CCDC91: variants seen among roughly 807,000 people sequenced by gnomAD.
CCDC91 encodes the protein coiled-coil domain-containing protein 91.
A neutral mutation model predicts 63.2 loss-of-function variants in CCDC91; 48 were observed. The observed-to-expected ratio is 0.76, with a 90% CI of 0.60 to 0.97. The LOEUF is 0.97. Among genes scored for constraint, CCDC91 ranks in the 50% least tolerant of loss-of-function variants. CCDC91 has a pLI of 0.00. For missense variants in CCDC91, 500 were observed against 494.6 expected (o/e 1.01, Z -0.10); for synonymous variants, 167 against 165.8 (o/e 1.01, Z -0.06).
chr12:28,489,442 C>A (rs1169583498), intron 12 of CCDC91, among the ~76,000 whole-genome samples: 1 of 151,804 alleles, frequency 6.6e-6, no homozygotes, highest in Non-Finnish European at 1.5e-5. Context: ...GAGTTCCAAC[C>A]CATCCCACAA....
At chr12:28,432,937 C>T (rs891397357) in intron 8 of CCDC91, among the ~76,000 whole-genome samples, 4 of 152,036 alleles carry the variant, frequency 2.6e-5, no homozygotes, top group Admixed American at 1.3e-4. Flanking sequence ...AATAGTATCT[C>T]GTTTTAATTC....
chr12:28,320,795 G>T (rs1403374440), intron 6 of CCDC91, among the ~76,000 whole-genome samples: 1 of 151,846 alleles, frequency 6.6e-6, no homozygotes, highest in Non-Finnish European at 1.5e-5. Flanking sequence ...GAAAATTTTG[G>T]TAAGGGTTTA....
chr12:28,499,707 G>T (rs1297788412), intron 12 of CCDC91, among the ~76,000 whole-genome samples: 1 of 152,106 alleles, frequency 6.6e-6, no homozygotes, highest in Non-Finnish European at 1.5e-5. Context: ...GTATTCCATG[G>T]TGTATATGTG....
chr12:28,434,295 C>T (rs938474269), intron 8 of CCDC91, among the ~76,000 whole-genome samples: 5 of 151,196 alleles, frequency 3.3e-5, no homozygotes, highest in Admixed American at 6.6e-5. Context: ...TTTTATAGTT[C>T]GATAATTTTT....
At chr12:28,399,529 A>C (rs902642579) in intron 8 of CCDC91, among the ~76,000 whole-genome samples, 5 of 152,210 alleles carry the variant, frequency 3.3e-5, no homozygotes, top group Admixed American at 1.3e-4. Flanking sequence ...ACAGTCCTGC[A>C]AAGTCATAAC....
intron 1 of CCDC91, among the ~76,000 whole-genome samples, chr12:28,223,111 C>A (rs1462485074): frequency 6.6e-6 from 1 of 152,082 alleles, no homozygotes; most frequent in Non-Finnish European, 1.5e-5. Context: ...AAAACCTAGT[C>A]AATTTTAGTG....
chr12:28,509,452 A>G (rs1939123051), intron 12 of CCDC91, among the ~76,000 whole-genome samples: 1 of 151,896 alleles, frequency 6.6e-6, no homozygotes, highest in Non-Finnish European at 1.5e-5. Flanking sequence ...AAGACTGAGT[A>G]TTATTTATTA....
Position 28,402,247 on chromosome 12 carries a change from A to C in CCDC91, c.762+10836A>C, listed in dbSNP as rs149386206. Among the ~76,000 whole-genome samples, 307 of 152,286 alleles carry C rather than the reference A, an allele frequency of 2.0e-3. 1 individual carries two copies. The highest frequency in any genetic ancestry group is 6.9e-3 in the African/African-American group (287 of 41,580). On this transcript the variant is annotated intron_variant, in intron 8 of 12. Transcript: ENST00000536442. ...TAGATATTGCTGACACTTTGACAATATTGAGTTTTCTTATCTATGAACGTT... is the reference window on the plus strand; with the variant it reads ...TAGATATTGCTGACACTTTGACAATCTTGAGTTTTCTTATCTATGAACGTT...
chr12:28,414,704 T>C (rs1210858470), intron 8 of CCDC91, among the ~76,000 whole-genome samples: 1 of 152,180 alleles, frequency 6.6e-6, no homozygotes, highest in South Asian at 2.1e-4. Context: ...TTGTATTCAT[T>C]TAGAGGAAAA....
At chr12:28,536,819 A>G (rs1436860477) in intron 12 of CCDC91, among the ~76,000 whole-genome samples, 1 of 152,116 alleles carries the variant, frequency 6.6e-6, no homozygotes, top group Non-Finnish European at 1.5e-5. Flanking sequence ...AGTATTTATT[A>G]ATTTAAATAC....
At chr12:28,363,285 A>C (rs1272233071) in intron 7 of CCDC91, among the ~76,000 whole-genome samples, 3 of 152,206 alleles carry the variant, frequency 2.0e-5, no homozygotes. Context: ...ATGTTATCTT[A>C]CTAAATTTAC....
In CCDC91 at chr12:28,347,521, G is replaced by A. The variant is rs374269755; in HGVS notation, c.577-14917G>A. ...CTCAGTCCATTCCCATTCAGATTAG[G>A]TACAGTTACTTAGGTACAATACTAG... On this transcript the variant is annotated intron_variant, in intron 6 of 12. Transcript: ENST00000536442. Among the ~76,000 whole-genome samples, 9 of 152,168 alleles carry A rather than the reference G, an allele frequency of 5.9e-5. No individual in the cohort carries two copies. In the South Asian group the frequency reaches 1.7e-3, roughly 28 times the overall value.
At chr12:28,424,222 G>T (rs1948178347) in intron 8 of CCDC91, among the ~76,000 whole-genome samples, 1 of 152,082 alleles carries the variant, frequency 6.6e-6, no homozygotes, top group Non-Finnish European at 1.5e-5. Flanking sequence ...GAGTTACTGT[G>T]CCTGGCCCTA....
At chr12:28,397,206 G>T (rs1946345163) in intron 8 of CCDC91, among the ~76,000 whole-genome samples, 1 of 152,032 alleles carries the variant, frequency 6.6e-6, no homozygotes, top group Admixed American at 6.6e-5. Flanking sequence ...ACAAGATAAG[G>T]ACACATAAAT....
chr12:28,484,534 C>T (rs1951619685), intron 12 of CCDC91, among the ~76,000 whole-genome samples: 1 of 152,096 alleles, frequency 6.6e-6, no homozygotes, highest in African/African-American at 2.4e-5. Flanking sequence ...AGCTTTCTGA[C>T]TGTATTAACA....
At chr12:28,304,149 C>T (rs544436926) in intron 3 of CCDC91, among the ~76,000 whole-genome samples, 20 of 151,528 alleles carry the variant, frequency 1.3e-4, no homozygotes, top group Admixed American at 2.6e-4. Context: ...GAGGCCGAGG[C>T]GGGCGGATCA....
At chr12:28,436,534 A>C (rs1354128994) in intron 8 of CCDC91, among the ~76,000 whole-genome samples, 5 of 151,872 alleles carry the variant, frequency 3.3e-5, no homozygotes, top group South Asian at 4.1e-4. Context: ...TAAGAATAAC[A>C]AAAATAAAAC....
chr12:28,218,962 A>G (rs1224299158), intron 1 of CCDC91, among the ~76,000 whole-genome samples: 1 of 152,144 alleles, frequency 6.6e-6, no homozygotes, highest in African/African-American at 2.4e-5. Context: ...TCTTAGGTCA[A>G]TAGCTTGGAG....
At chr12:28,530,861 C>G (rs1941674637) in intron 12 of CCDC91, among the ~76,000 whole-genome samples, 1 of 151,956 alleles carries the variant, frequency 6.6e-6, no homozygotes, top group Non-Finnish European at 1.5e-5. Context: ...GAATGTGTCC[C>G]CAAAAAGCAT....
Sources: gnomAD v4.1 joint callset for allele counts (sites outside exome capture counted in the v4.1 genomes callset) on GRCh38, gnomAD v4.1.1 for gene constraint, MANE v1.5 for transcripts, NCBI Gene and HGNC (gene_info 2026-07-23, HGNC 2026-07-21) for gene names.